The following GRIK4 variants were observed in gnomAD, a reference collection of about 807,000 sequenced individuals.
GRIK4 encodes glutamate receptor ionotropic, kainate 4.
Under a neutral mutation model 104.9 loss-of-function variants are expected in GRIK4, and 40 were observed. That is an observed-to-expected ratio of 0.38 (90% CI 0.30 to 0.50). GRIK4 has a LOEUF of 0.50. Among genes scored for constraint, GRIK4 ranks in the 20% least tolerant of loss-of-function variants. The pLI is 0.93. For synonymous variants in GRIK4, 485 were observed against 524.9 expected, an observed-to-expected ratio of 0.92 and a Z score of 1.04; for missense variants, 1,047 against 1,308.1, an observed-to-expected ratio of 0.80 and a Z score of 3.08.
intron 1 of GRIK4, among the ~76,000 whole-genome samples, chr11:120,559,576 C>T (rs1948219125): frequency 6.6e-6 from 1 of 152,182 alleles, no homozygotes; most frequent in African/African-American, 2.4e-5. Flanking sequence ...GAAAAGTATG[C>T]AGGCCTTCCA....
chr11:120,901,550 T>C (rs1942738906), intron 12 of GRIK4, among the ~76,000 whole-genome samples: 1 of 152,182 alleles, frequency 6.6e-6, no homozygotes, highest in Non-Finnish European at 1.5e-5. Flanking sequence ...AGGTCATTAT[T>C]TAAAGCTTTA....
intron 1 of GRIK4, among the ~76,000 whole-genome samples, chr11:120,536,899 C>CA (rs1270095154): frequency 4.6e-5 from 7 of 152,222 alleles, no homozygotes; most frequent in African/African-American, 1.7e-4. Flanking sequence ...GGCTGACCAC[C>CA]AGCTCTGCCC....
intron 13 of GRIK4, among the ~76,000 whole-genome samples, chr11:120,906,482 C>T (rs61901436): frequency 1.3e-5 from 2 of 152,176 alleles, no homozygotes; most frequent in Non-Finnish European, 2.9e-5. Flanking sequence ...AATGAGCAAT[C>T]GAGCCCAGAA....
intron 3 of GRIK4, 107 bp from the exon 4 acceptor site, chr11:120,802,586 G>A: frequency 1.1e-6 from 1 of 917,706 alleles, no homozygotes; most frequent in Admixed American, 1.8e-5. Flanking sequence ...GAGGAACTTG[G>A]GGTGCTGCCT....
At chr11:120,730,212 G>A (rs1344664011) in intron 3 of GRIK4, among the ~76,000 whole-genome samples, 2 of 152,074 alleles carry the variant, frequency 1.3e-5, no homozygotes, top group African/African-American at 4.8e-5. Context: ...ACAAAAATTA[G>A]CCAGGTGTGG....
intron 3 of GRIK4, among the ~76,000 whole-genome samples, chr11:120,705,232 C>CT (rs902505786): frequency 0.028 from 3,931 of 139,052 alleles, 143 homozygotes; most frequent in Admixed American, 0.1. Flanking sequence ...TCTTTCTTTT[C>CT]TTTTTTTTTT....
chr11:120,597,135 A>G (rs961025719), intron 1 of GRIK4, among the ~76,000 whole-genome samples: 1 of 152,212 alleles, frequency 6.6e-6, no homozygotes, highest in Non-Finnish European at 1.5e-5. Context: ...AGCTGGGAAC[A>G]TGACAGCTTC....
intron 3 of GRIK4, among the ~76,000 whole-genome samples, chr11:120,723,401 T>A (rs1012600664): frequency 4.6e-5 from 7 of 152,154 alleles, no homozygotes; most frequent in Admixed American, 3.3e-4. Context: ...TGAGAGGTAT[T>A]CTAGTTATCC....
At chr11:120,570,521 G>A (rs1355928267) in intron 1 of GRIK4, among the ~76,000 whole-genome samples, 5 of 152,026 alleles carry the variant, frequency 3.3e-5, no homozygotes, top group African/African-American at 9.7e-5. Context: ...TGGCATCATC[G>A]CGGTTCACTG....
chr11:120,664,628 A>G (rs977729243), intron 3 of GRIK4, among the ~76,000 whole-genome samples: 13 of 152,228 alleles, frequency 8.5e-5, no homozygotes, highest in Non-Finnish European at 1.8e-4. Flanking sequence ...TCTAGAGCTG[A>G]TGACCCCCTG....
intron 1 of GRIK4, among the ~76,000 whole-genome samples, chr11:120,580,242 T>TCTTG (rs1948557076): frequency 7.2e-6 from 1 of 139,098 alleles, no homozygotes; most frequent in Non-Finnish European, 1.5e-5. Flanking sequence ...TTTCTTTCTT[T>TCTTG]CTTTCTTTCT....
intron 3 of GRIK4, among the ~76,000 whole-genome samples, chr11:120,772,787 C>T (rs995486112): frequency 3.3e-5 from 5 of 151,794 alleles, no homozygotes; most frequent in Non-Finnish European, 7.4e-5. Flanking sequence ...AAGGATTGGC[C>T]TTACACAGGG....
intron 9 of GRIK4, chr11:120,872,193 ACTGCTG>A (rs759988754): frequency 1.3e-5 from 4 of 311,214 alleles, no homozygotes; most frequent in Non-Finnish European, 2.5e-5. Context: ...TGAGGCAGGG[ACTGCTG>A]CTTCTCTTTT....
chr11:120,558,751 C>G (rs568241604), intron 1 of GRIK4, among the ~76,000 whole-genome samples: 1 of 152,126 alleles, frequency 6.6e-6, no homozygotes, highest in Non-Finnish European at 1.5e-5. Flanking sequence ...GACAATTGCG[C>G]GTATTTAGTT....
At chr11:120,979,501 G>A (rs1039455130) in intron 19 of GRIK4, among the ~76,000 whole-genome samples, 6 of 152,138 alleles carry the variant, frequency 3.9e-5, no homozygotes, top group South Asian at 2.1e-4. Flanking sequence ...GTGTTTTTAA[G>A]GGCTTTTAGA....
intron 9 of GRIK4, chr11:120,872,261 A>G: frequency 3.5e-6 from 1 of 281,738 alleles, no homozygotes; most frequent in Non-Finnish European, 6.9e-6. Flanking sequence ...GCCTGGGATC[A>G]CTCAGCACAT....
At chr11:120,877,187 C>T (rs1414607442) in intron 11 of GRIK4, among the ~76,000 whole-genome samples, 2 of 152,206 alleles carry the variant, frequency 1.3e-5, no homozygotes, top group African/African-American at 4.8e-5. Flanking sequence ...TGTATAATTT[C>T]TCAAATGAGA....
intron 3 of GRIK4, among the ~76,000 whole-genome samples, chr11:120,721,298 G>A (rs1451513385): frequency 1.3e-5 from 2 of 152,190 alleles, no homozygotes; most frequent in Non-Finnish European, 2.9e-5. Context: ...TGGTTGGCAA[G>A]CAGACATGAT....
chr11:120,653,170 G>T (rs1285734815), intron 1 of GRIK4, among the ~76,000 whole-genome samples: 1 of 152,258 alleles, frequency 6.6e-6, no homozygotes, highest in Admixed American at 6.5e-5. Flanking sequence ...TGCTGAAGGT[G>T]AATAAGCATG....
Sources: allele counts gnomAD v4.1 joint callset (sites outside exome capture counted in the v4.1 genomes callset), GRCh38; gene constraint gnomAD v4.1.1; transcripts MANE v1.5; gene names NCBI Gene and HGNC (gene_info 2026-07-23, HGNC 2026-07-21).